PLPPR1: variants seen among roughly 807,000 people sequenced by gnomAD.
PLPPR1 encodes phospholipid phosphatase-related protein type 1.
Under a neutral mutation model 33.1 loss-of-function variants are expected in PLPPR1, and 10 were observed. That is an observed-to-expected ratio of 0.30 (90% CI 0.19 to 0.51). PLPPR1 has a LOEUF of 0.51. Among genes scored for constraint, PLPPR1 ranks in the 20% least tolerant of loss-of-function variants. PLPPR1 has a pLI of 0.97. For synonymous variants in PLPPR1, 151 were observed against 151.0 expected (o/e 1.00, Z 0.00); for missense variants, 304 against 408.1 (o/e 0.74, Z 2.20).
At chr9:101,053,768 G>C (rs952598929) in intron 1 of PLPPR1, among the ~76,000 whole-genome samples, 2 of 152,128 alleles carry the variant, frequency 1.3e-5, no homozygotes, top group African/African-American at 2.4e-5. Flanking sequence ...GGATAGTCTG[G>C]GGCTTGATCA....
chr9:101,097,701 A>G (rs1420916110), intron 1 of PLPPR1, among the ~76,000 whole-genome samples: 2 of 152,180 alleles, frequency 1.3e-5, no homozygotes, highest in Non-Finnish European at 2.9e-5. Flanking sequence ...AGAGACACAC[A>G]AGAAACAATG....
chr9:101,078,526 C>T (rs908273488), intron 1 of PLPPR1, among the ~76,000 whole-genome samples: 5 of 151,690 alleles, frequency 3.3e-5, no homozygotes, highest in African/African-American at 9.7e-5. Context: ...AGGTTGGGAC[C>T]TATAAGTTAA....
chr9:101,292,477 G>A (rs928820744), intron 4 of PLPPR1, among the ~76,000 whole-genome samples: 5 of 152,124 alleles, frequency 3.3e-5, no homozygotes, highest in African/African-American at 9.7e-5. Flanking sequence ...GCAACTCCAA[G>A]ACACATAATT....
At chr9:101,052,411 C>G (rs1196291276) in intron 1 of PLPPR1, among the ~76,000 whole-genome samples, 2 of 152,134 alleles carry the variant, frequency 1.3e-5, no homozygotes, top group African/African-American at 2.4e-5. Context: ...TGCTACACAT[C>G]CTGCAATGCA....
intron 2 of PLPPR1, among the ~76,000 whole-genome samples, chr9:101,252,818 T>C (rs1827735344): frequency 6.6e-6 from 1 of 152,054 alleles, no homozygotes; most frequent in Non-Finnish European, 1.5e-5. Flanking sequence ...TCCTAAGTTT[T>C]TTTTTTAATT....
At chr9:101,251,965 T>C (rs1038316261) in intron 2 of PLPPR1, among the ~76,000 whole-genome samples, 4 of 152,138 alleles carry the variant, frequency 2.6e-5, no homozygotes, top group African/African-American at 9.7e-5. Flanking sequence ...ACACCAAGTA[T>C]TAGTAATAAT....
intron 1 of PLPPR1, among the ~76,000 whole-genome samples, chr9:101,139,126 A>G (rs1401613346): frequency 6.6e-6 from 1 of 152,180 alleles, no homozygotes; most frequent in African/African-American, 2.4e-5. Context: ...TTATTTCACA[A>G]CAAATACATG....
At chr9:101,141,776 C>T (rs767708326) in intron 1 of PLPPR1, among the ~76,000 whole-genome samples, 1 of 152,070 alleles carries the variant, frequency 6.6e-6, no homozygotes, top group Non-Finnish European at 1.5e-5. Flanking sequence ...TGAAAACACA[C>T]ATCTTTACCT....
rs1397777219 is a variant in PLPPR1 at position 101,323,033 on chromosome 9, A to G, written c.946-992A>G. ...TGAAATAATAAACTCACTTCTATGT[A>G]ATTTGTGACTCTAATGATAAAACAT... is the stretch of plus-strand genomic sequence containing the variant. On this transcript the variant is annotated intron_variant, in intron 7 of 7. Transcript: ENST00000374874. Among the ~76,000 whole-genome samples, 8 of 152,210 alleles carry G rather than the reference A, an allele frequency of 5.3e-5. No homozygotes were observed. The East Asian group carries it at 1.2e-3, about 22-fold the overall frequency.
rs149063721 is a variant in PLPPR1 at position 101,099,316 on chromosome 9, C to A, written c.-46+70214C>A. Among the ~76,000 whole-genome samples the A allele has an allele frequency of 6.1e-4, 93 of 152,174 alleles. 1 individual carries two copies. The East Asian group carries it at 0.018, about 29-fold the overall frequency. The stretch of plus-strand genomic sequence containing the variant: ...TGTCTGCGTCTGTTTCCCTTTTTGT[C>A]TATGATCCTGTGATGAGCCACTTGG... On this transcript the variant is annotated intron_variant, in intron 1 of 7. Transcript: ENST00000374874.
intron 5 of PLPPR1, among the ~76,000 whole-genome samples, chr9:101,310,257 G>T (rs1352957591): frequency 6.6e-6 from 1 of 152,194 alleles, no homozygotes; most frequent in Non-Finnish European, 1.5e-5. Context: ...GACATGCAGA[G>T]ATCAGCTCAA....
intron 1 of PLPPR1, among the ~76,000 whole-genome samples, chr9:101,030,433 G>A (rs964236394): frequency 4.6e-5 from 7 of 151,106 alleles, no homozygotes; most frequent in Non-Finnish European, 7.4e-5. Flanking sequence ...GTTTTGAGGT[G>A]TCTAGAATGT....
chr9:101,059,014 G>A (rs897145050), intron 1 of PLPPR1, among the ~76,000 whole-genome samples: 2 of 152,092 alleles, frequency 1.3e-5, no homozygotes, highest in African/African-American at 2.4e-5. Flanking sequence ...TATTCTGGTG[G>A]GGGGAGAACT....
intron 1 of PLPPR1, among the ~76,000 whole-genome samples, chr9:101,167,186 T>TGTGTGTGTGTGTGTGTGTGTGTG (rs1825872610): frequency 4.7e-4 from 11 of 23,184 alleles, no homozygotes; most frequent in Non-Finnish European, 1.0e-3. Flanking sequence ...GTGTGTGTCT[T>TGTGTGTGTGTGTGTGTGTGTGTG]TCTCTCTCTC....
intron 2 of PLPPR1, among the ~76,000 whole-genome samples, chr9:101,194,613 T>TGG (rs1270744742): frequency 2.0e-5 from 3 of 152,058 alleles, no homozygotes; most frequent in African/African-American, 7.2e-5. Context: ...TAGCCAGGCA[T>TGG]GGTGGTGCAC....
intron 1 of PLPPR1, among the ~76,000 whole-genome samples, chr9:101,055,553 T>C (rs963150656): frequency 3.9e-5 from 6 of 152,234 alleles, no homozygotes; most frequent in African/African-American, 1.2e-4. Flanking sequence ...TTGAATAATC[T>C]TAAATACTTT....
At chr9:101,215,648 C>G (rs1196326947) in intron 2 of PLPPR1, among the ~76,000 whole-genome samples, 3 of 152,114 alleles carry the variant, frequency 2.0e-5, no homozygotes, top group Non-Finnish European at 4.4e-5. Flanking sequence ...TGCTTCCCTT[C>G]CCAGCCTCTG....
At chr9:101,284,385 T>C (rs1828352708) in intron 3 of PLPPR1, among the ~76,000 whole-genome samples, 1 of 152,192 alleles carries the variant, frequency 6.6e-6, no homozygotes, top group Admixed American at 6.5e-5. Context: ...TCACTTCTAA[T>C]TGTAGATGTG....
chr9:101,261,227 G>A (rs770017163), intron 2 of PLPPR1, among the ~76,000 whole-genome samples: 6 of 152,096 alleles, frequency 3.9e-5, no homozygotes, highest in Non-Finnish European at 5.9e-5. Flanking sequence ...GATTACATGG[G>A]CAATCAGTAA....
Sources: gnomAD v4.1 joint callset for allele counts (sites outside exome capture counted in the v4.1 genomes callset) on GRCh38, gnomAD v4.1.1 for gene constraint, MANE v1.5 for transcripts, NCBI Gene and HGNC (gene_info 2026-07-23, HGNC 2026-07-21) for gene names.